CDH12: variants seen among roughly 807,000 people sequenced by gnomAD.
CDH12 encodes the protein cadherin-12.
CDH12 carries 41 observed loss-of-function variants against 74.1 expected under a neutral mutation model. That is an observed-to-expected ratio of 0.55 (90% confidence interval 0.43 to 0.72). The LOEUF (loss-of-function observed/expected upper bound fraction) is 0.72. Ranked by LOEUF, CDH12 falls within the 30% of genes least tolerant of loss-of-function variation. The pLI is 0.00. For missense variants in CDH12, 945 were observed against 977.2 expected, an observed-to-expected ratio of 0.97 and a Z score of 0.44; for synonymous variants, 399 against 355.0, an observed-to-expected ratio of 1.12 and a Z score of -1.39.
intron 6 of CDH12, among the ~76,000 whole-genome samples, chr5:21,906,230 G>C (rs1753636442): frequency 6.6e-6 from 1 of 152,164 alleles, no homozygotes; most frequent in Non-Finnish European, 1.5e-5. Context: ...ACTTGAAGCA[G>C]ACAGGTCAGG....
intron 2 of CDH12, among the ~76,000 whole-genome samples, chr5:22,475,754 T>C (rs1746139540): frequency 6.6e-6 from 1 of 152,064 alleles, no homozygotes; most frequent in South Asian, 2.1e-4. Flanking sequence ...TATATTATAG[T>C]TGAAAAGAAA....
chr5:21,892,179 T>C (rs143627814), intron 6 of CDH12, among the ~76,000 whole-genome samples: 1 of 152,198 alleles, frequency 6.6e-6, no homozygotes, highest in Non-Finnish European at 1.5e-5. Flanking sequence ...TAACATTTTT[T>C]AAATGCTTTC....
chr5:22,822,921 G>C (rs1022548339), intron 1 of CDH12, among the ~76,000 whole-genome samples: 18 of 152,182 alleles, frequency 1.2e-4, no homozygotes, highest in Admixed American at 3.9e-4. Flanking sequence ...CTGCTATAAA[G>C]ATACATGCAC....
chr5:22,568,845 C>A (rs541368536), intron 1 of CDH12, among the ~76,000 whole-genome samples: 2 of 152,244 alleles, frequency 1.3e-5, no homozygotes, highest in African/African-American at 4.8e-5. Context: ...AATGCACATA[C>A]CTTAATTAAA....
At chr5:22,729,394 C>T (rs916187901) in intron 1 of CDH12, among the ~76,000 whole-genome samples, 2 of 151,932 alleles carry the variant, frequency 1.3e-5, no homozygotes, top group Admixed American at 6.6e-5. Context: ...CTTTTAAGGG[C>T]TCATGTTATT....
At chr5:22,358,122 T>C (rs1740640530) in intron 3 of CDH12, among the ~76,000 whole-genome samples, 2 of 152,088 alleles carry the variant, frequency 1.3e-5, no homozygotes, top group African/African-American at 4.8e-5. Context: ...AGAATACTAA[T>C]GGCAGGTCGG....
chr5:22,527,000 T>C (rs1261985120), intron 1 of CDH12, among the ~76,000 whole-genome samples: 1 of 152,116 alleles, frequency 6.6e-6, no homozygotes, highest in Non-Finnish European at 1.5e-5. Context: ...AAAAACTCCA[T>C]TGATCCTCTA....
chr5:22,564,289 G>C (rs1316603487), intron 1 of CDH12, among the ~76,000 whole-genome samples: 2 of 152,174 alleles, frequency 1.3e-5, no homozygotes, highest in Non-Finnish European at 1.5e-5. Flanking sequence ...GGCTGGACAT[G>C]TACAATATCT....
intron 1 of CDH12, among the ~76,000 whole-genome samples, chr5:22,850,170 C>A (rs571951405): frequency 3.5e-4 from 54 of 152,126 alleles, no homozygotes; most frequent in Non-Finnish European, 6.2e-4. Context: ...GTTATTTACT[C>A]CATTTTATTA....
intron 6 of CDH12, among the ~76,000 whole-genome samples, chr5:21,857,343 C>A (rs1366634189): frequency 6.6e-6 from 1 of 151,752 alleles, no homozygotes; most frequent in East Asian, 1.9e-4. Flanking sequence ...GACAATATAA[C>A]CACTCTAAAT....
intron 1 of CDH12, among the ~76,000 whole-genome samples, chr5:22,809,779 A>T (rs1196864560): frequency 6.6e-6 from 1 of 152,092 alleles, no homozygotes; most frequent in Non-Finnish European, 1.5e-5. Context: ...ACTGCTTCTA[A>T]ACACTTTAAT....
chr5:22,330,505 C>A (rs1452007648), intron 3 of CDH12, among the ~76,000 whole-genome samples: 1 of 152,080 alleles, frequency 6.6e-6, no homozygotes, highest in Non-Finnish European at 1.5e-5. Flanking sequence ...GTAATCCCAG[C>A]ACTTTGGGAG....
intron 6 of CDH12, among the ~76,000 whole-genome samples, chr5:21,922,319 CA>C (rs888782648): frequency 2.6e-5 from 4 of 152,080 alleles, no homozygotes; most frequent in African/African-American, 9.7e-5. Flanking sequence ...GTGTTTGCTA[CA>C]AGAGGACTGT....
At chr5:22,252,774 T>C (rs1276959145) in intron 3 of CDH12, among the ~76,000 whole-genome samples, 4 of 151,998 alleles carry the variant, frequency 2.6e-5, no homozygotes, top group African/African-American at 9.7e-5. Flanking sequence ...TTTTTCCCCA[T>C]GTAAATCTTC....
chr5:22,008,571 G>C (rs181524244), intron 5 of CDH12, among the ~76,000 whole-genome samples: 25 of 152,230 alleles, frequency 1.6e-4, no homozygotes, highest in Non-Finnish European at 2.8e-4. Context: ...AGACCCTCAA[G>C]TTTCACAGCC....
chr5:22,101,515 G>T (rs1744136733), intron 4 of CDH12, among the ~76,000 whole-genome samples: 1 of 152,118 alleles, frequency 6.6e-6, no homozygotes. Context: ...AAAATGGAAA[G>T]TGTATTGCTT....
chr5:22,039,202 C>T lies in CDH12; in HGVS notation c.231+39244G>A, dbSNP rs116063145. 6.7e-3 allele frequency among the ~76,000 whole-genome samples: 1,024 copies of T among 152,128 alleles called. 5 individuals are homozygous for T. Among genetic ancestry groups the T allele is most frequent in the Non-Finnish European group, 9.8e-3 (665 of 67,986 alleles). On this transcript the variant is annotated intron_variant, in intron 5 of 14. Coordinates refer to ENST00000382254, the MANE Select transcript of CDH12 (RefSeq NM_004061.5). ...CTTGGATCTGAGTTGCCACTGAGCC[C>T]TATTGGTCTGGTTCCAAAACTGAAG... is the stretch of plus-strand genomic sequence containing the variant.
At chr5:22,779,025 T>C (rs1177610803) in intron 1 of CDH12, among the ~76,000 whole-genome samples, 2 of 152,158 alleles carry the variant, frequency 1.3e-5, no homozygotes, top group Admixed American at 1.3e-4. Context: ...AAAATGTATG[T>C]TTTGATATTT....
rs185645286 is a variant in CDH12 at position 22,615,299 on chromosome 5, T to C, written c.-522-109935A>G. Among the ~76,000 whole-genome samples the C allele has an allele frequency of 2.9e-4, 44 of 152,246 alleles. No homozygotes were observed. The East Asian group carries it at 2.9e-3, about 10-fold the overall frequency. Reference sequence around the variant, plus strand: ...TAAGGTAATCACAGTTGTTATTTTTTCAACCATTATTACTCACTGAAATAA... The same window carrying C: ...TAAGGTAATCACAGTTGTTATTTTTCCAACCATTATTACTCACTGAAATAA... On this transcript the variant is annotated intron_variant, in intron 1 of 14. Transcript: ENST00000382254.
Sources: gnomAD v4.1 joint callset for allele counts (sites outside exome capture counted in the v4.1 genomes callset) on GRCh38, gnomAD v4.1.1 for gene constraint, MANE v1.5 for transcripts, NCBI Gene and HGNC (gene_info 2026-07-23, HGNC 2026-07-21) for gene names.